Variants in HOATZ observed in about 807,000 individuals in gnomAD.
HOATZ encodes the protein HOATZ cilia and flagella associated protein.
A neutral mutation model predicts 24.9 loss-of-function variants in HOATZ; 26 were observed. The ratio of observed to expected loss-of-function variants is 1.04; its 90% CI spans 0.76 to 1.45. HOATZ has a LOEUF of 1.45. Ranked by LOEUF, HOATZ falls within the 40% of genes most tolerant of loss-of-function variation. HOATZ has a pLI of 0.00. For synonymous variants in HOATZ, 83 were observed against 76.6 expected (o/e 1.08, Z -0.43); for missense variants, 226 against 201.5 (o/e 1.12, Z -0.74).
chr11:111,533,770 C>T lies in HOATZ; in HGVS notation c.364C>T (p.Gln122Ter), dbSNP rs1013085025. Reference protein sequence around the residue: ...QKAKTREEILQLLRKQREERI... With the variant: ...QKAKTREEIL ...GGCTAAAACAAGAGAAGAGATTCTC[C>T]AACTCTTAAGAAAACAAAGAGAAGA... Residue 122 changes from glutamine (Q) to a stop codon, truncating the protein, a stop_gained, in exon 4 of 6, where the codon CAA becomes TAA. Transcript: ENST00000375618. LOFTEE classifies it high-confidence loss of function. 15 of 1,574,842 alleles carry T rather than the reference C, an allele frequency of 9.5e-6. No homozygotes were observed. The highest frequency in any genetic ancestry group is 1.2e-5 in the Non-Finnish European group (14 of 1,168,162).
rs916969992 is a variant in HOATZ, at chr11:111,518,254, A to T, written c.339+2144A>T. On this transcript the variant is annotated intron_variant, in intron 3 of 5. Coordinates refer to ENST00000375618, the MANE Select transcript of HOATZ (RefSeq NM_001100388.2). ...AAAACAGTAAGGCAGTGGGAAAGAAAGAGAAGTTACTGAAACTGTGCCTTC... is the reference window on the plus strand; with the variant it reads ...AAAACAGTAAGGCAGTGGGAAAGAATGAGAAGTTACTGAAACTGTGCCTTC... Among the ~76,000 whole-genome samples the T allele has an allele frequency of 6.8e-4, 104 of 152,216 alleles. 2 individuals are homozygous for T. Among genetic ancestry groups the T allele is most frequent in the Non-Finnish European group, 2.8e-4 (19 of 68,040 alleles).
intron 1 of HOATZ, 178 bp downstream of exon 1, chr11:111,515,188 C>T: frequency 1.6e-6 from 1 of 612,184 alleles, no homozygotes; most frequent in South Asian, 2.0e-5. Flanking sequence ...CGAAAAGGAT[C>T]AGTGGTATAT....
At chr11:111,523,440 G>A (rs1394462234) in intron 3 of HOATZ, among the ~76,000 whole-genome samples, 3 of 152,084 alleles carry the variant, frequency 2.0e-5, no homozygotes, top group Non-Finnish European at 4.4e-5. Context: ...GTTATGTATT[G>A]TTCTATTGAT....
At chr11:111,523,066 C>T (rs1305786102) in intron 3 of HOATZ, among the ~76,000 whole-genome samples, 1 of 152,046 alleles carries the variant, frequency 6.6e-6, no homozygotes, top group Non-Finnish European at 1.5e-5. Flanking sequence ...GCAACAAGAG[C>T]GAGACTGTCT....
intron 3 of HOATZ, among the ~76,000 whole-genome samples, chr11:111,517,007 T>C (rs542844280): frequency 9.2e-5 from 14 of 152,316 alleles, no homozygotes; most frequent in Admixed American, 8.5e-4. Flanking sequence ...GTTCCTATAC[T>C]GTAAAAGCAA....
At chr11:111,533,931 A>C (rs1479078856) in intron 4 of HOATZ, 126 bp downstream of exon 4, 1 of 598,692 alleles carries the variant, frequency 1.7e-6, no homozygotes, top group Non-Finnish European at 2.8e-6. Context: ...TTGATATACC[A>C]GAGTGGGGCA....
intron 2 of HOATZ, 102 bp from the exon 3 acceptor site, chr11:111,515,938 A>G: frequency 1.3e-6 from 1 of 756,258 alleles, no homozygotes; most frequent in Admixed American, 2.6e-5. Context: ...TTACCTTCCT[A>G]CTCTATGTAT....
At chr11:111,518,440 A>G (rs1447777589) in intron 3 of HOATZ, among the ~76,000 whole-genome samples, 3 of 152,216 alleles carry the variant, frequency 2.0e-5, no homozygotes, top group Non-Finnish European at 4.4e-5. Flanking sequence ...TTGAATGTAT[A>G]TTAGGTACTG....
At chr11:111,533,714 C>A in intron 3 of HOATZ, 32 bp from the exon 4 acceptor site, 1 of 1,507,818 alleles carries the variant, frequency 6.6e-7, no homozygotes, top group South Asian at 1.2e-5. Context: ...ATTATTGAAT[C>A]GAGACACCCA....
chr11:111,525,215 T>C (rs910052358), intron 3 of HOATZ, among the ~76,000 whole-genome samples: 3 of 152,114 alleles, frequency 2.0e-5, no homozygotes, highest in Admixed American at 2.0e-4. Flanking sequence ...TAGCAATTTG[T>C]TTTTTTAAAA....
rs995007992 is a variant in HOATZ at position 111,536,996 on chromosome 11, A to C, written c.*169A>C. 8.0e-5 allele frequency: 46 copies of C among 574,358 alleles called. No homozygotes were observed. The highest frequency in any genetic ancestry group is 2.7e-4 in the Middle Eastern group (1 of 3,726). 35.6% of individuals were successfully genotyped at this position (574,358 alleles called of 1,614,324 possible). ...TACCAGTTAGTGAGTACTTGTGTTAAAATAAAGAAATAAAGGTTAAATATG... is the reference window on the plus strand; with the variant it reads ...TACCAGTTAGTGAGTACTTGTGTTACAATAAAGAAATAAAGGTTAAATATG... On this transcript the variant is annotated 3_prime_UTR_variant, in exon 6 of 6. Coordinates refer to ENST00000375618, the MANE Select transcript of HOATZ (RefSeq NM_001100388.2).
At chr11:111,534,657 G>A in intron 5 of HOATZ, 193 bp downstream of exon 5, 2 of 581,026 alleles carry the variant, frequency 3.4e-6, no homozygotes. Flanking sequence ...GTCTGTCTGT[G>A]GAATATGCAA....
intron 3 of HOATZ, among the ~76,000 whole-genome samples, chr11:111,529,837 C>T (rs1444984690): frequency 6.6e-6 from 1 of 152,082 alleles, no homozygotes; most frequent in Non-Finnish European, 1.5e-5. Flanking sequence ...AAGTTGATAA[C>T]ACACCAGAAA....
intron 3 of HOATZ, among the ~76,000 whole-genome samples, chr11:111,532,977 A>C (rs556084734): frequency 6.6e-6 from 1 of 152,334 alleles, no homozygotes; most frequent in South Asian, 2.1e-4. Flanking sequence ...CTGTGAAAAA[A>C]ATGGAACCTA....
In HOATZ at chr11:111,534,585, A is replaced by G. The variant is rs191633866; in HGVS notation, c.452+121A>G. 116 of 779,096 alleles carry G rather than the reference A, an allele frequency of 1.5e-4. 1 individual carries two copies. The African/African-American group carries it at 1.7e-3, about 11-fold the overall frequency. The allele number at this position is 779,096 out of a possible 1,614,324, so 48.3% of individuals were successfully genotyped here. On this transcript the variant is annotated intron_variant, in intron 5 of 5. Coordinates refer to ENST00000375618, the MANE Select transcript of HOATZ (RefSeq NM_001100388.2). ...TTCTAGAAACCCACCCGTGTATTAC[A>G]GATTTCTTGCCTTGAATAAACTTTC...
intron 3 of HOATZ, among the ~76,000 whole-genome samples, chr11:111,527,637 T>A (rs2135779830): frequency 6.6e-6 from 1 of 152,348 alleles, no homozygotes; most frequent in South Asian, 2.1e-4. Context: ...TAGTAGATAA[T>A]TTGAGGTCCA....
intron 3 of HOATZ, among the ~76,000 whole-genome samples, chr11:111,528,285 A>G (rs1045808690): frequency 1.3e-5 from 2 of 152,206 alleles, no homozygotes; most frequent in African/African-American, 4.8e-5. Context: ...GGTGGCAGTG[A>G]GCCCTGATGG....
At chr11:111,534,183 G>A (rs1339668140) in intron 4 of HOATZ, among the ~76,000 whole-genome samples, 1 of 152,118 alleles carries the variant, frequency 6.6e-6, no homozygotes, top group Admixed American at 6.6e-5. Flanking sequence ...AATAAAAATA[G>A]TAATAGTATC....
intron 3 of HOATZ, among the ~76,000 whole-genome samples, chr11:111,532,652 C>T (rs143075112): frequency 0.012 from 1,871 of 152,258 alleles, 19 homozygotes; most frequent in Middle Eastern, 0.024. Context: ...TCTAGTTTCC[C>T]GAACTGTGAG....
Sources: allele counts gnomAD v4.1 joint callset (sites outside exome capture counted in the v4.1 genomes callset), GRCh38; gene constraint gnomAD v4.1.1; transcripts MANE v1.5; gene names NCBI Gene and HGNC (gene_info 2026-07-23, HGNC 2026-07-21).